Variants in FNDC3B observed in about 807,000 individuals in gnomAD.
FNDC3B encodes the protein fibronectin type III domain containing 3B, also known as fibronectin type III domain-containing protein 3B.
A neutral mutation model predicts 151.5 loss-of-function variants in FNDC3B; 12 were observed. The ratio of observed to expected loss-of-function variants is 0.08; its 90% CI spans 0.05 to 0.13. FNDC3B has a LOEUF of 0.13. Ranked by LOEUF, FNDC3B falls within the 10% of genes least tolerant of loss-of-function variation. The pLI, the probability that FNDC3B is intolerant of heterozygous loss-of-function variation, is 1.00. For missense variants in FNDC3B, 1,214 were observed against 1,505.3 expected, an observed-to-expected ratio of 0.81 and a Z score of 3.20; for synonymous variants, 528 against 549.0, an observed-to-expected ratio of 0.96 and a Z score of 0.54.
At chr3:172,212,749 T>C (rs1034626404) in intron 3 of FNDC3B, among the ~76,000 whole-genome samples, 10 of 152,198 alleles carry the variant, frequency 6.6e-5, no homozygotes, top group African/African-American at 2.4e-4. Flanking sequence ...CCCAGGGCCA[T>C]ACAGACTGAA....
At chr3:172,124,635 T>G (rs1398255901) in intron 2 of FNDC3B, among the ~76,000 whole-genome samples, 1 of 152,256 alleles carries the variant, frequency 6.6e-6, no homozygotes, top group East Asian at 1.9e-4. Flanking sequence ...AGTGTTAATT[T>G]TTGGCATTTA....
chr3:172,330,742 C>A, intron 13 of FNDC3B, 27 bp downstream of exon 13: 1 of 1,583,108 alleles, frequency 6.3e-7, no homozygotes, highest in Non-Finnish European at 8.7e-7. Context: ...TTATACTTCT[C>A]TGTGTTTTGT....
chr3:172,062,692 TA>T (rs1396716040), intron 1 of FNDC3B, among the ~76,000 whole-genome samples: 1 of 152,062 alleles, frequency 6.6e-6, no homozygotes, highest in African/African-American at 2.4e-5. Flanking sequence ...TTATATATGG[TA>T]TTTCTAAGTA....
chr3:172,177,154 T>A (rs1030543926), intron 3 of FNDC3B, among the ~76,000 whole-genome samples: 3 of 147,870 alleles, frequency 2.0e-5, no homozygotes, highest in Non-Finnish European at 4.5e-5. Flanking sequence ...AAAACCAGAT[T>A]CTACAAGGAA....
At chr3:172,075,472 T>G (rs997104691) in intron 1 of FNDC3B, among the ~76,000 whole-genome samples, 4 of 152,146 alleles carry the variant, frequency 2.6e-5, no homozygotes, top group African/African-American at 9.7e-5. Context: ...TATAGAAATA[T>G]CCCCTACACG....
chr3:172,178,219 G>A (rs1723709532), intron 3 of FNDC3B, among the ~76,000 whole-genome samples: 1 of 152,018 alleles, frequency 6.6e-6, no homozygotes, highest in Non-Finnish European at 1.5e-5. Flanking sequence ...CAGTCATCAG[G>A]GAATAGAGGT....
rs141425150 is a variant in FNDC3B at position 172,178,651 on chromosome 3, G to T, written c.187+45105G>T. ...AGAGCTGGACACATGTGGACACTCA[G>T]CCGGGGCATCCCTGGGACCCCACAT... On this transcript the variant is annotated intron_variant, in intron 3 of 25. Coordinates refer to ENST00000415807, the MANE Select transcript of FNDC3B (RefSeq NM_022763.4). 3.2e-3 allele frequency among the ~76,000 whole-genome samples: 481 copies of T among 152,326 alleles called. 4 individuals carry two copies. The highest frequency in any genetic ancestry group is 0.011 in the African/African-American group (456 of 41,574).
intron 4 of FNDC3B, among the ~76,000 whole-genome samples, chr3:172,233,854 A>G (rs1236713521): frequency 6.6e-6 from 1 of 152,222 alleles, no homozygotes; most frequent in Non-Finnish European, 1.5e-5. Flanking sequence ...GAATTGTTCC[A>G]TAGTGTACAT....
chr3:172,364,455 T>G (rs900340668), intron 23 of FNDC3B, among the ~76,000 whole-genome samples: 3 of 152,220 alleles, frequency 2.0e-5, no homozygotes, highest in African/African-American at 7.2e-5. Flanking sequence ...TAAAGGCCAG[T>G]GCCTCCCAAT....
rs1716669238 is a variant in FNDC3B, at chr3:172,051,852, T to TA, written c.-29+12082dup. Reference sequence around the variant, plus strand: ...AAAGAAATGAATGTTCTTCAGAGAATACATGACTTTTTTCATGTTTCTATT... The same window carrying TA: ...AAAGAAATGAATGTTCTTCAGAGAATAACATGACTTTTTTCATGTTTCTATT... On this transcript the variant is annotated intron_variant, in intron 1 of 25. Coordinates refer to ENST00000415807, the MANE Select transcript of FNDC3B (RefSeq NM_022763.4). Among the ~76,000 whole-genome samples the TA allele has an allele frequency of 3.3e-5, 5 of 152,326 alleles. No individual in the cohort carries two copies. In the South Asian group the frequency reaches 1.0e-3, roughly 32 times the overall value.
At chr3:172,282,166 T>C (rs1209500146) in intron 6 of FNDC3B, among the ~76,000 whole-genome samples, 1 of 152,234 alleles carries the variant, frequency 6.6e-6, no homozygotes, top group African/African-American at 2.4e-5. Context: ...GTTGATCGTT[T>C]ATGTGGGAAG....
intron 25 of FNDC3B, among the ~76,000 whole-genome samples, chr3:172,396,183 T>C (rs1348981685): frequency 6.6e-6 from 1 of 152,226 alleles, no homozygotes; most frequent in Non-Finnish European, 1.5e-5. Flanking sequence ...AATTAAGGTA[T>C]AGTTATAAGG....
At chr3:172,089,831 G>A (rs914122356) in intron 1 of FNDC3B, among the ~76,000 whole-genome samples, 3 of 152,124 alleles carry the variant, frequency 2.0e-5, no homozygotes, top group African/African-American at 7.2e-5. Flanking sequence ...GCACCGTGCC[G>A]GCTGCATAAG....
At chr3:172,201,776 T>A (rs778003962) in intron 3 of FNDC3B, among the ~76,000 whole-genome samples, 2 of 152,198 alleles carry the variant, frequency 1.3e-5, no homozygotes, top group Non-Finnish European at 2.9e-5. Context: ...GTTACCAGAT[T>A]TAGGAAATAA....
intron 3 of FNDC3B, among the ~76,000 whole-genome samples, chr3:172,144,394 T>A (rs1488073637): frequency 6.6e-6 from 1 of 152,152 alleles, no homozygotes; most frequent in African/African-American, 2.4e-5. Context: ...ATTTACTGAG[T>A]TAAATGAAGG....
At chr3:172,138,992 T>C (rs1721494947) in intron 3 of FNDC3B, among the ~76,000 whole-genome samples, 1 of 152,244 alleles carries the variant, frequency 6.6e-6, no homozygotes, top group South Asian at 2.1e-4. Flanking sequence ...GTATCGTTGA[T>C]GAACATCATG....
At chr3:172,095,192 C>T (rs745656826) in intron 1 of FNDC3B, among the ~76,000 whole-genome samples, 1 of 152,012 alleles carries the variant, frequency 6.6e-6, no homozygotes, top group Non-Finnish European at 1.5e-5. Context: ...GAGAGGAAAT[C>T]CTGGGATAAT....
In FNDC3B at chr3:172,069,730, T is replaced by C. The variant is rs373724146; in HGVS notation, c.-29+29959T>C. On this transcript the variant is annotated intron_variant, in intron 1 of 25. Coordinates refer to ENST00000415807, the MANE Select transcript of FNDC3B (RefSeq NM_022763.4). The stretch of plus-strand genomic sequence containing the variant: ...GGGAGTTGTGGAATCTGGCTGACAA[T>C]CCCATTTAGTCTTCTTCAATTTAAT... Among the ~76,000 whole-genome samples, 10 of 152,324 alleles carry C rather than the reference T, an allele frequency of 6.6e-5. No homozygotes were observed. In the East Asian group the frequency reaches 1.2e-3, roughly 18 times the overall value.
chr3:172,135,239 T>A (rs184800421), intron 3 of FNDC3B, among the ~76,000 whole-genome samples: 372 of 152,238 alleles, frequency 2.4e-3, no homozygotes, highest in Non-Finnish European at 4.5e-3. Flanking sequence ...CTTTTTGGTG[T>A]CTAAGGAGTG....
Sources: gnomAD v4.1 joint callset for allele counts (sites outside exome capture counted in the v4.1 genomes callset) on GRCh38, gnomAD v4.1.1 for gene constraint, MANE v1.5 for transcripts, NCBI Gene and HGNC (gene_info 2026-07-23, HGNC 2026-07-21) for gene names.